CSMD1: variants seen among roughly 807,000 people sequenced by gnomAD.
CSMD1 encodes CUB and sushi domain-containing protein 1.
CSMD1 carries 213 observed loss-of-function variants against 417.5 expected under a neutral mutation model. That is an observed-to-expected ratio of 0.51 (90% CI 0.46 to 0.57). The LOEUF is 0.57. CSMD1 is among the 20% of genes least tolerant of loss of function. The pLI is 0.00. For synonymous variants in CSMD1, 2,862 were observed against 1,736.8 expected, an observed-to-expected ratio of 1.65 and a Z score of -16.11; for missense variants, 6,923 against 4,529.7, an observed-to-expected ratio of 1.53 and a Z score of -15.17.
At chr8:2,945,064 T>C (rs1245325780) in intron 68 of CSMD1, among the ~76,000 whole-genome samples, 2 of 152,228 alleles carry the variant, frequency 1.3e-5, no homozygotes, top group Admixed American at 6.5e-5. Context: ...TGCCTTGTTT[T>C]AATAATTTGA....
intron 3 of CSMD1, among the ~76,000 whole-genome samples, chr8:4,339,481 G>A (rs985374370): frequency 1.3e-5 from 2 of 152,062 alleles, no homozygotes; most frequent in Admixed American, 6.6e-5. Flanking sequence ...TGAGATACTG[G>A]AGCTGAGTGA....
At chr8:4,159,602 A>G (rs1317822320) in intron 3 of CSMD1, among the ~76,000 whole-genome samples, 3 of 152,146 alleles carry the variant, frequency 2.0e-5, no homozygotes, top group Admixed American at 1.3e-4. Context: ...TATTATTATT[A>G]TTGTGAGACA....
chr8:3,304,745 T>A (rs568331967), intron 25 of CSMD1, among the ~76,000 whole-genome samples: 5 of 152,188 alleles, frequency 3.3e-5, no homozygotes, highest in East Asian at 1.9e-4. Flanking sequence ...TAATTTTTTT[T>A]ATTAAAATGT....
At chr8:4,502,716 T>A (rs879685391) in intron 2 of CSMD1, among the ~76,000 whole-genome samples, 4 of 152,200 alleles carry the variant, frequency 2.6e-5, no homozygotes, top group Non-Finnish European at 5.9e-5. Context: ...CTCATCAGTA[T>A]ATTAACAGCA....
chr8:3,295,545 T>C (rs148583167), intron 25 of CSMD1, among the ~76,000 whole-genome samples: 6 of 152,326 alleles, frequency 3.9e-5, no homozygotes, highest in African/African-American at 1.4e-4. Flanking sequence ...AAAGGTCAGT[T>C]TGTTTCTACA....
chr8:4,538,914 A>G (rs1408604635), intron 2 of CSMD1, among the ~76,000 whole-genome samples: 2 of 152,164 alleles, frequency 1.3e-5, no homozygotes. Context: ...CTTTGAATCT[A>G]AAAGCCCATA....
chr8:4,052,174 C>T (rs892188043), intron 3 of CSMD1, among the ~76,000 whole-genome samples: 1 of 152,104 alleles, frequency 6.6e-6, no homozygotes, highest in African/African-American at 2.4e-5. Context: ...ATCCACCCAC[C>T]TTGGCCTCCG....
intron 3 of CSMD1, among the ~76,000 whole-genome samples, chr8:4,109,549 T>C (rs988259610): frequency 3.9e-5 from 6 of 152,126 alleles, no homozygotes; most frequent in African/African-American, 1.2e-4. Flanking sequence ...TCAGGCAAAA[T>C]TGACCATCAT....
chr8:3,094,819 A>AAG (rs1438735128), intron 47 of CSMD1, among the ~76,000 whole-genome samples: 15 of 138,884 alleles, frequency 1.1e-4, no homozygotes, highest in African/African-American at 3.3e-4. Context: ...AAAAAAAAAA[A>AAG]AGAGAGAGAG....
chr8:4,297,417 GT>G (rs1313752926), intron 3 of CSMD1, among the ~76,000 whole-genome samples: 3 of 152,104 alleles, frequency 2.0e-5, no homozygotes, highest in African/African-American at 7.2e-5. Context: ...AGAAGTGAAT[GT>G]TAAACGGTAT....
chr8:3,469,996 G>A (rs1301509751), intron 11 of CSMD1, among the ~76,000 whole-genome samples: 1 of 152,056 alleles, frequency 6.6e-6, no homozygotes, highest in Non-Finnish European at 1.5e-5. Context: ...ATTTATTGAA[G>A]TGTAACAAGC....
intron 5 of CSMD1, among the ~76,000 whole-genome samples, chr8:3,992,596 C>A (rs1585094876): frequency 1.3e-5 from 2 of 152,114 alleles, no homozygotes; most frequent in African/African-American, 4.8e-5. Context: ...CCAGCTTGGG[C>A]AACACAGTAC....
At chr8:4,820,081 G>A (rs529212186) in intron 1 of CSMD1, among the ~76,000 whole-genome samples, 38 of 152,164 alleles carry the variant, frequency 2.5e-4, no homozygotes, top group African/African-American at 8.7e-4. Context: ...TTGTACCTCT[G>A]GTCCAAGAAA....
At chr8:3,730,909 G>A (rs1390674302) in intron 6 of CSMD1, among the ~76,000 whole-genome samples, 3 of 152,154 alleles carry the variant, frequency 2.0e-5, no homozygotes, top group African/African-American at 7.2e-5. Flanking sequence ...CCAATTTGCT[G>A]CTTCAAAGTG....
At chr8:3,699,072 C>A (rs902247042) in intron 7 of CSMD1, among the ~76,000 whole-genome samples, 1 of 152,120 alleles carries the variant, frequency 6.6e-6, no homozygotes, top group Non-Finnish European at 1.5e-5. Flanking sequence ...AGGCAGCATG[C>A]ATTCGCTGAA....
chr8:4,704,762 G>A (rs1001040488), intron 1 of CSMD1, among the ~76,000 whole-genome samples: 10 of 152,116 alleles, frequency 6.6e-5, no homozygotes, highest in African/African-American at 1.2e-4. Context: ...GTGAGTTGTC[G>A]AGGCAGGAGA....
At chr8:4,677,195 T>C (rs1379486593) in intron 1 of CSMD1, among the ~76,000 whole-genome samples, 2 of 150,448 alleles carry the variant, frequency 1.3e-5, no homozygotes, top group African/African-American at 4.9e-5. Flanking sequence ...CAGGTAACTA[T>C]ACATAATAGT....
At chr8:4,787,590 T>G in intron 1 of CSMD1, 1 of 1,534,076 alleles carries the variant, frequency 6.5e-7, no homozygotes, top group East Asian at 2.3e-5. Context: ...CAGTGCGAAA[T>G]GATTCCAATT....
chr8:3,492,065 G>C (rs892942182), intron 11 of CSMD1, among the ~76,000 whole-genome samples: 5 of 152,226 alleles, frequency 3.3e-5, no homozygotes, highest in African/African-American at 9.6e-5. Flanking sequence ...AGGAGAACTT[G>C]TGAGTCATTC....
Sources: allele counts gnomAD v4.1 joint callset (sites outside exome capture counted in the v4.1 genomes callset), GRCh38; gene constraint gnomAD v4.1.1; transcripts MANE v1.5; gene names NCBI Gene and HGNC (gene_info 2026-07-23, HGNC 2026-07-21).